The following ATP11B variants were observed in gnomAD, a reference collection of about 807,000 sequenced individuals.
ATP11B encodes the protein phospholipid-transporting ATPase IF.
A neutral mutation model predicts 157.8 loss-of-function variants in ATP11B; 81 were observed. The observed-to-expected ratio is 0.51, with a 90% CI of 0.43 to 0.62. The LOEUF is 0.62. Among genes scored for constraint, ATP11B ranks in the 20% least tolerant of loss-of-function variants. The probability of loss-of-function intolerance (pLI) is 0.00; values close to 1 mark genes in which losing one functional copy is unlikely to be tolerated. For missense variants in ATP11B, 1,165 were observed against 1,402.2 expected (o/e 0.83, Z 2.70); for synonymous variants, 451 against 469.4 (o/e 0.96, Z 0.51).
chr3:182,897,508 G>C (rs1182802158), intron 27 of ATP11B, 102 bp downstream of exon 27: 2 of 817,660 alleles, frequency 2.4e-6, no homozygotes, highest in Admixed American at 3.1e-5. Flanking sequence ...ACAGATTTCA[G>C]ACTCCTGGTA....
intron 10 of ATP11B, among the ~76,000 whole-genome samples, chr3:182,857,168 CAG>C (rs1486669685): frequency 2.0e-5 from 3 of 152,148 alleles, no homozygotes; most frequent in Non-Finnish European, 4.4e-5. Flanking sequence ...TTTTTCGAGA[CAG>C]AGTCTCGCTC....
At chr3:182,800,267 G>T (rs1164227427) in intron 1 of ATP11B, among the ~76,000 whole-genome samples, 2 of 151,356 alleles carry the variant, frequency 1.3e-5, no homozygotes, top group African/African-American at 2.4e-5. Flanking sequence ...TGTCTCCCAG[G>T]CTGTACTGCA....
rs142265661 is a variant in ATP11B, at chr3:182,799,534, G to A, written c.27+5748G>A. Among the ~76,000 whole-genome samples the A allele has an allele frequency of 4.5e-3, 688 of 152,098 alleles. 5 individuals carry two copies. Among genetic ancestry groups the A allele is most frequent in the African/African-American group, 0.015 (637 of 41,522 alleles). ...TCATGATCCGCCCGCCTCGGCCTCC[G>A]GAAGTGCTGGGATTACAGGCGTCAG... On this transcript the variant is annotated intron_variant, in intron 1 of 29. Coordinates refer to ENST00000323116, the MANE Select transcript of ATP11B (RefSeq NM_014616.3).
chr3:182,850,029 A>C (rs1357502753), intron 10 of ATP11B, among the ~76,000 whole-genome samples: 3 of 152,226 alleles, frequency 2.0e-5, no homozygotes, highest in Admixed American at 6.5e-5. Flanking sequence ...ATCACATGTA[A>C]ATGAATAACA....
At chr3:182,801,766 TTA>T (rs1239347208) in intron 1 of ATP11B, among the ~76,000 whole-genome samples, 1 of 152,246 alleles carries the variant, frequency 6.6e-6, no homozygotes, top group Admixed American at 6.5e-5. Context: ...AAATTTTATT[TTA>T]TGTCAGTTAC....
chr3:182,881,483 A>G (rs956798801), intron 21 of ATP11B, among the ~76,000 whole-genome samples: 1 of 151,732 alleles, frequency 6.6e-6, no homozygotes, highest in Admixed American at 6.6e-5. Context: ...CAGAGGTTGC[A>G]GTGAGCCACG....
intron 27 of ATP11B, among the ~76,000 whole-genome samples, chr3:182,897,986 CT>C (rs1270724070): frequency 3.3e-5 from 5 of 151,874 alleles, no homozygotes; most frequent in Non-Finnish European, 4.4e-5. Flanking sequence ...TTACATTTGC[CT>C]GCTATGTCTT....
chr3:182,874,061 C>T, intron 19 of ATP11B, 46 bp downstream of exon 19: 1 of 1,544,988 alleles, frequency 6.5e-7, no homozygotes, highest in East Asian at 2.3e-5. Flanking sequence ...GGTTAGCAAA[C>T]TATGGTTCCC....
intron 20 of ATP11B, 118 bp downstream of exon 20, chr3:182,879,767 A>T (rs1722292029): frequency 3.5e-6 from 3 of 868,228 alleles, no homozygotes; most frequent in Non-Finnish European, 4.9e-6. Context: ...TTTTGCTAGG[A>T]GTCAGTCACA....
chr3:182,886,921 TGAAC>T (rs1722832735), intron 23 of ATP11B, among the ~76,000 whole-genome samples: 9 of 152,212 alleles, frequency 5.9e-5, no homozygotes, highest in Non-Finnish European at 1.5e-5. Flanking sequence ...TTTACCTAAA[TGAAC>T]TAAAGAATAT....
At position 182,918,530 on chromosome 3, in the gene ATP11B, T is replaced by C. The variant is rs1725278411; in HGVS notation, c.*426T>C. The C allele has an allele frequency of 2.5e-6, 1 of 395,458 alleles. No individual in the cohort carries two copies. The highest frequency in any genetic ancestry group is 4.5e-6 in the Non-Finnish European group (1 of 224,130). The allele number at this position is 395,458 out of a possible 1,614,324, so 24.5% of individuals were successfully genotyped here. ...CTGTAAATTATGCTGAAAGTTTGCCTTGAGAACTCTATTTTTTTATTAGAG... is the reference window on the plus strand; with the variant it reads ...CTGTAAATTATGCTGAAAGTTTGCCCTGAGAACTCTATTTTTTTATTAGAG... On this transcript the variant is annotated 3_prime_UTR_variant, in exon 30 of 30. Coordinates refer to ENST00000323116, the MANE Select transcript of ATP11B (RefSeq NM_014616.3).
chr3:182,852,213 A>T (rs979085362), intron 10 of ATP11B, among the ~76,000 whole-genome samples: 2 of 152,260 alleles, frequency 1.3e-5, no homozygotes, highest in African/African-American at 4.8e-5. Context: ...AAATTTCTTC[A>T]AATAGAATGG....
chr3:182,900,376 A>G (rs1363900709), intron 28 of ATP11B, among the ~76,000 whole-genome samples: 1 of 152,234 alleles, frequency 6.6e-6, no homozygotes, highest in Non-Finnish European at 1.5e-5. Context: ...GAGCCTGTAT[A>G]TAGTTGATCC....
In ATP11B at chr3:182,898,700, A is replaced by G. The variant is rs1413467919; in HGVS notation, c.3246A>G (p.Thr1082=). Residue 1082 remains threonine, a synonymous_variant, in exon 28 of 30, where the codon ACA becomes ACG. Coordinates refer to ENST00000323116, the MANE Select transcript of ATP11B (RefSeq NM_014616.3). ...TTGCCATAATCCTCATGGTTGTTACATGTCTATTTCTTGATATCATAAAGA... is the reference window on the plus strand; with the variant it reads ...TTGCCATAATCCTCATGGTTGTTACGTGTCTATTTCTTGATATCATAAAGA... ...AWFAIILMVV[T]CLFLDIIKKV... 2.5e-6 allele frequency: 4 copies of G among 1,603,742 alleles called. No homozygotes were observed. The highest frequency in any genetic ancestry group is 2.7e-5 in the African/African-American group (2 of 74,488).
intron 19 of ATP11B, among the ~76,000 whole-genome samples, chr3:182,874,949 G>A (rs1050694858): frequency 3.3e-5 from 5 of 151,494 alleles, no homozygotes; most frequent in East Asian, 3.9e-4. Flanking sequence ...TCTCTGGCCC[G>A]TAACAGAAAA....
At chr3:182,901,347 AAAAAAAC>A (rs1355430976) in intron 28 of ATP11B, among the ~76,000 whole-genome samples, 1 of 151,414 alleles carries the variant, frequency 6.6e-6, no homozygotes, top group Non-Finnish European at 1.5e-5. Flanking sequence ...TCACAAAAAA[AAAAAAAC>A]AAAAAAAAAA....
intron 9 of ATP11B, among the ~76,000 whole-genome samples, chr3:182,846,670 A>G (rs1357409956): frequency 6.6e-6 from 1 of 152,254 alleles, no homozygotes; most frequent in African/African-American, 2.4e-5. Context: ...AATGCATGCT[A>G]CAGTATGGAT....
chr3:182,869,089 T>C lies in ATP11B; in HGVS notation c.1700T>C (p.Leu567Pro). The C allele has an allele frequency of 6.2e-7, 1 of 1,609,248 alleles. No homozygotes were observed. The highest frequency in any genetic ancestry group is 8.5e-7 in the Non-Finnish European group (1 of 1,177,580). The change falls in exon 16 of 30, where the codon CTT becomes CCT. Residue 567 changes from leucine to proline, a missense_variant. Coordinates refer to ENST00000323116, the MANE Select transcript of ATP11B (RefSeq NM_014616.3). ...TTTCTTTTGTTTAGGTACAAACTGCTTCATATTCTGGAATTTGATTCAGAT... is the reference window on the plus strand; with the variant it reads ...TTTCTTTTGTTTAGGTACAAACTGCCTCATATTCTGGAATTTGATTCAGAT... The part of the protein sequence containing the change: ...TLGKLERYKL[L>P]HILEFDSDRR...
chr3:182,852,626 A>G (rs1379988404), intron 10 of ATP11B, among the ~76,000 whole-genome samples: 1 of 152,236 alleles, frequency 6.6e-6, no homozygotes, highest in Non-Finnish European at 1.5e-5. Context: ...TGCCTTTTCA[A>G]CACATGGTGC....
Sources: gnomAD v4.1 joint callset for allele counts (sites outside exome capture counted in the v4.1 genomes callset) on GRCh38, gnomAD v4.1.1 for gene constraint, MANE v1.5 for transcripts, NCBI Gene and HGNC (gene_info 2026-07-23, HGNC 2026-07-21) for gene names.